Variants in STYK1 observed in about 807,000 individuals in gnomAD.
STYK1 encodes the protein tyrosine-protein kinase STYK1.
In STYK1, 46 loss-of-function variants were observed where a neutral mutation model predicts 48.1. The observed-to-expected ratio is 0.96, with a 90% confidence interval of 0.75 to 1.22. The LOEUF is 1.22. STYK1 is among the 50% of genes most tolerant of loss of function. The pLI is 0.00. For synonymous variants in STYK1, 188 were observed against 189.0 expected (o/e 0.99, Z 0.04); for missense variants, 527 against 521.1 (o/e 1.01, Z -0.11).
intron 1 of STYK1, among the ~76,000 whole-genome samples, chr12:10,671,140 G>A (rs1947887824): frequency 6.6e-6 from 1 of 151,602 alleles, no homozygotes; most frequent in African/African-American, 2.4e-5. Flanking sequence ...GACTACAGGC[G>A]CCCGCCACCA....
At chr12:10,639,783 A>G (rs1176266566) in intron 1 of STYK1, among the ~76,000 whole-genome samples, 5 of 152,208 alleles carry the variant, frequency 3.3e-5, no homozygotes, top group Admixed American at 6.5e-5. Context: ...TTACAAACCC[A>G]ATGTTCTTTA....
At chr12:10,653,903 C>T (rs1195433773) in intron 1 of STYK1, among the ~76,000 whole-genome samples, 3 of 152,152 alleles carry the variant, frequency 2.0e-5, no homozygotes, top group African/African-American at 7.2e-5. Flanking sequence ...AGGTTGAGAT[C>T]TACTAGGTTG....
intron 1 of STYK1, among the ~76,000 whole-genome samples, chr12:10,656,347 C>A (rs1591699128): frequency 7.9e-6 from 1 of 126,840 alleles, no homozygotes; most frequent in Non-Finnish European, 1.8e-5. Flanking sequence ...GAATACAGGG[C>A]TGAGTGCGGT....
intron 1 of STYK1, among the ~76,000 whole-genome samples, chr12:10,668,336 T>C (rs939353116): frequency 6.6e-6 from 1 of 151,836 alleles, no homozygotes; most frequent in African/African-American, 2.4e-5. Context: ...TCTGTCTGTG[T>C]AATTTGCTGC....
At chr12:10,649,345 G>A (rs1467342059) in intron 1 of STYK1, among the ~76,000 whole-genome samples, 1 of 152,168 alleles carries the variant, frequency 6.6e-6, no homozygotes, top group African/African-American at 2.4e-5. Context: ...TCATCAAAAG[G>A]AGGGATGTTT....
chr12:10,640,693 T>C (rs1269361425), intron 1 of STYK1: 1 of 152,216 alleles, frequency 6.6e-6, no homozygotes, highest in African/African-American at 2.4e-5. Context: ...CTGAGGGCTA[T>C]CAGTTTTTCT....
Position 10,620,364 on chromosome 12 carries a change from G to A in STYK1, c.1065-16C>T, listed in dbSNP as rs1196575673. The stretch of plus-strand genomic sequence containing the variant: ...GATACTGTACCTGAGAGGGAAACAA[G>A]AGAAACTGACTTCCTTGACAAGGCA... On this transcript the variant is annotated splice_polypyrimidine_tract_variant and intron_variant, in intron 10 of 10. Transcript: ENST00000075503. 57 of 1,611,078 alleles carry A rather than the reference G, an allele frequency of 3.5e-5. No homozygotes were observed. The highest frequency in any genetic ancestry group is 4.1e-5 in the Non-Finnish European group (48 of 1,179,348).
chr12:10,635,368 G>A (rs1480569545), intron 2 of STYK1, among the ~76,000 whole-genome samples: 4 of 152,190 alleles, frequency 2.6e-5, no homozygotes, highest in South Asian at 2.1e-4. Context: ...AAGGATATGA[G>A]TTACACATTT....
chr12:10,660,293 G>A (rs1001146051), intron 1 of STYK1, among the ~76,000 whole-genome samples: 3 of 152,106 alleles, frequency 2.0e-5, no homozygotes, highest in Non-Finnish European at 1.5e-5. Flanking sequence ...AGTTATGAAT[G>A]GCCCTCTCCA....
intron 1 of STYK1, among the ~76,000 whole-genome samples, chr12:10,643,925 C>T (rs1947572568): frequency 6.6e-6 from 1 of 151,836 alleles, no homozygotes; most frequent in African/African-American, 2.4e-5. Context: ...TTCTAAGTAT[C>T]ACTGAAGTGC....
chr12:10,630,032 GGAGAGAGAGAGAGAGAGAGAGAGAGA>G lies in STYK1; in HGVS notation c.452-384_452-359del, dbSNP rs11268204. ...CCATTACTGGCCCATATCATGAAGA[GGAGAGAGAGAGAGAGAGAGAGAGAGA>G]GAGAGAGAGAGAGAGAGAGAGAGAG... On this transcript the variant is annotated intron_variant, in intron 5 of 10. Transcript: ENST00000075503. Among the ~76,000 whole-genome samples, 337 of 137,364 alleles carry G rather than the reference GGAGAGAGAGAGAGAGAGAGAGAGAGA, an allele frequency of 2.5e-3. 6 individuals are homozygous for G. Among genetic ancestry groups the G allele is most frequent in the African/African-American group, 7.3e-3 (249 of 33,894 alleles). 90.1% of individuals were successfully genotyped at this position (137,364 alleles called of 152,430 possible). A position where few individuals can be genotyped will look rare whatever the true frequency, so the allele number is the denominator to read the frequency against.
chr12:10,636,174 C>G (rs1036099441), intron 2 of STYK1, among the ~76,000 whole-genome samples: 5 of 152,206 alleles, frequency 3.3e-5, no homozygotes, highest in Non-Finnish European at 7.3e-5. Context: ...GAGGCAGAAT[C>G]TCTCAGTGCC....
chr12:10,673,136 T>C (rs1947907071), intron 1 of STYK1, among the ~76,000 whole-genome samples: 1 of 151,602 alleles, frequency 6.6e-6, no homozygotes, highest in Admixed American at 6.6e-5. Flanking sequence ...GAAGGGTTGA[T>C]AGAGAAAAAT....
intron 1 of STYK1, chr12:10,640,837 GC>G (rs1180006774): frequency 6.6e-6 from 1 of 152,152 alleles, no homozygotes; most frequent in Admixed American, 6.5e-5. Context: ...TGCAAGACAG[GC>G]CCCATAACAT....
In STYK1 at chr12:10,627,633, C is replaced by A; in HGVS notation, c.717+8G>T. On this transcript the variant is annotated splice_region_variant and intron_variant, in intron 7 of 10. Transcript: ENST00000075503. ...CACACCATCAGTTGTCATGTTGCCT[C>A]ATCTTACCAGCGCCAAAAGGACCTG... The A allele has an allele frequency of 6.2e-7, 1 of 1,611,466 alleles. No homozygotes were observed. The highest frequency in any genetic ancestry group is 8.5e-7 in the Non-Finnish European group (1 of 1,179,110).
At chr12:10,631,915 A>G (rs1422489334) in intron 4 of STYK1, among the ~76,000 whole-genome samples, 1 of 152,180 alleles carries the variant, frequency 6.6e-6, no homozygotes, top group Non-Finnish European at 1.5e-5. Flanking sequence ...TATTCAACAA[A>G]TATCACCTAT....
Position 10,663,461 on chromosome 12 carries a change from C to T in STYK1, c.-195+10505G>A, listed in dbSNP as rs896236360. ...AAAAATACAAAAAATTAGCCAGGCG[C>T]GGTGACAGGCGCCTGTAGTCCCAGC... On this transcript the variant is annotated intron_variant, in intron 1 of 10. Transcript: ENST00000075503. 1.4e-4 allele frequency among the ~76,000 whole-genome samples: 21 copies of T among 151,760 alleles called. No homozygotes were observed. In the South Asian group the frequency reaches 2.3e-3, roughly 17 times the overall value.
chr12:10,626,110 T>C (rs113926216), intron 7 of STYK1, among the ~76,000 whole-genome samples: 131 of 152,266 alleles, frequency 8.6e-4, no homozygotes, highest in African/African-American at 3.1e-3. Context: ...CAAAGAAAAC[T>C]AGCAGTTTTC....
At chr12:10,648,372 A>G (rs1041731625) in intron 1 of STYK1, among the ~76,000 whole-genome samples, 4 of 152,152 alleles carry the variant, frequency 2.6e-5, no homozygotes. Context: ...GGAAACATCA[A>G]TCAATAAACA....
Sources: allele counts gnomAD v4.1 joint callset (sites outside exome capture counted in the v4.1 genomes callset), GRCh38; gene constraint gnomAD v4.1.1; transcripts MANE v1.5; gene names NCBI Gene and HGNC (gene_info 2026-07-23, HGNC 2026-07-21).